The following CD226 variants were observed in gnomAD, a reference collection of about 807,000 sequenced individuals.
CD226 encodes the protein CD226 molecule.
A neutral mutation model predicts 34.9 loss-of-function variants in CD226; 24 were observed. The ratio of observed to expected loss-of-function variants is 0.69; its 90% CI spans 0.50 to 0.97. The LOEUF is 0.97. Among genes scored for constraint, CD226 ranks in the 50% least tolerant of loss-of-function variants. The pLI, the probability that CD226 is intolerant of heterozygous loss-of-function variation, is 0.00. For synonymous variants in CD226, 148 were observed against 147.4 expected, an observed-to-expected ratio of 1.00 and a Z score of -0.03; for missense variants, 397 against 412.7, an observed-to-expected ratio of 0.96 and a Z score of 0.33.
At chr18:69,870,115 T>C (rs17207042) in intron 4 of CD226, among the ~76,000 whole-genome samples, 62,087 of 151,588 alleles carry the variant, frequency 0.41, 15,364 homozygotes, top group East Asian at 0.64. Context: ...AGATTTTCAA[T>C]GCCAAAACCC....
intron 2 of CD226, among the ~76,000 whole-genome samples, chr18:69,900,088 T>C (rs1985514280): frequency 6.6e-6 from 1 of 152,220 alleles, no homozygotes; most frequent in African/African-American, 2.4e-5. Context: ...CATCATGGAA[T>C]ACTATGCAGC....
At chr18:69,869,040 T>G (rs968815421) in intron 4 of CD226, among the ~76,000 whole-genome samples, 1 of 152,220 alleles carries the variant, frequency 6.6e-6, no homozygotes, top group Admixed American at 6.5e-5. Context: ...AAAAGAACAC[T>G]TTTACGCTGT....
intron 2 of CD226, among the ~76,000 whole-genome samples, chr18:69,919,133 C>T (rs2055420628): frequency 1.3e-5 from 2 of 152,184 alleles, no homozygotes; most frequent in South Asian, 4.1e-4. Context: ...ACACTTTAAA[C>T]AGAAAATGTT....
intron 5 of CD226, 27 bp from the exon 6 acceptor site, chr18:69,864,466 C>A: frequency 6.2e-7 from 1 of 1,605,548 alleles, no homozygotes; most frequent in South Asian, 1.1e-5. Context: ...CAGAGAGTGT[C>A]AATAATTCAC....
intron 2 of CD226, among the ~76,000 whole-genome samples, chr18:69,896,590 A>G (rs1056213491): frequency 1.3e-4 from 20 of 148,838 alleles, no homozygotes; most frequent in African/African-American, 4.1e-4. Context: ...ACATAGTTCC[A>G]TAAGTGTTAC....
rs547946137 is a variant in CD226, at chr18:69,932,261, C to T, written c.382+14473G>A. Among the ~76,000 whole-genome samples, 12 of 152,266 alleles carry T rather than the reference C, an allele frequency of 7.9e-5. No individual in the cohort carries two copies. The South Asian group carries it at 2.5e-3, about 32-fold the overall frequency. On this transcript the variant is annotated intron_variant, in intron 2 of 5. Transcript: ENST00000582621. ...GTGCTCTTTCTAACTGCAGACTAAT[C>T]GAAATCCCTTGCCTAAAATCTAAAG...
intron 2 of CD226, among the ~76,000 whole-genome samples, chr18:69,906,241 C>T (rs2055251288): frequency 6.6e-6 from 1 of 152,046 alleles, no homozygotes; most frequent in African/African-American, 2.4e-5. Flanking sequence ...CTATATACGC[C>T]TAGATGTGAA....
In CD226 at chr18:69,920,480, A is replaced by G. The variant is rs529325959; in HGVS notation, c.383-24435T>C. 1.1e-4 allele frequency among the ~76,000 whole-genome samples: 16 copies of G among 152,344 alleles called. No homozygotes were observed. In the South Asian group the frequency reaches 3.1e-3, roughly 30 times the overall value. On this transcript the variant is annotated intron_variant, in intron 2 of 5. Coordinates refer to ENST00000582621, the MANE Select transcript of CD226 (RefSeq NM_001303618.2). ...ATTCATTTCTTCATTTTTATATAAG[A>G]AAACTTGACACTTCTCCTTTTTACT...
chr18:69,911,545 G>A (rs1271033985), intron 2 of CD226, among the ~76,000 whole-genome samples: 1 of 151,948 alleles, frequency 6.6e-6, no homozygotes, highest in Non-Finnish European at 1.5e-5. Context: ...ATGCGGCCAG[G>A]CACTCCACTT....
chr18:69,958,446 A>C (rs1167854475), upstream of CD226, among the ~76,000 whole-genome samples: 1 of 152,138 alleles, frequency 6.6e-6, no homozygotes, highest in African/African-American at 2.4e-5. Flanking sequence ...TCAAGGAAAA[A>C]GACAAAAACA....
intron 2 of CD226, among the ~76,000 whole-genome samples, chr18:69,943,649 C>T (rs1375488492): frequency 6.6e-6 from 1 of 152,156 alleles, no homozygotes; most frequent in Non-Finnish European, 1.5e-5. Context: ...GGTGGGTTCC[C>T]ATGTCCCCCA....
At position 69,854,136 on chromosome 18, in the gene CD226, C is replaced by CT. The variant is rs1982549754; in HGVS notation, c.*10177dup. 1 of 152,166 alleles carries CT rather than the reference C, an allele frequency of 6.6e-6. No individual in the cohort carries two copies. Among genetic ancestry groups the CT allele is most frequent in the Non-Finnish European group, 1.5e-5 (1 of 68,036 alleles). The allele number at this position is 152,166 out of a possible 1,614,324, so 9.4% of individuals were successfully genotyped here. On this transcript the variant is annotated 3_prime_UTR_variant, in exon 6 of 6. Coordinates refer to ENST00000582621, the MANE Select transcript of CD226 (RefSeq NM_001303618.2). The stretch of plus-strand genomic sequence containing the variant: ...AGGCATGGAAGATGTTGCTGCCATG[C>CT]TTATAACAAGACAAAGCTGGAAAGT...
At position 69,876,047 on chromosome 18, in the gene CD226, T is replaced by C. The variant is rs192975312; in HGVS notation, c.728-2801A>G. ...CACCATGTTTATATACATCAAATAA[T>C]CACACTGTATGCCCTGAATATATTC... On this transcript the variant is annotated intron_variant, in intron 3 of 5. Coordinates refer to ENST00000582621, the MANE Select transcript of CD226 (RefSeq NM_001303618.2). Among the ~76,000 whole-genome samples the C allele has an allele frequency of 4.0e-3, 606 of 152,308 alleles. 4 individuals carry two copies. Among genetic ancestry groups the C allele is most frequent in the African/African-American group, 0.013 (559 of 41,568 alleles).
chr18:69,855,577 G>A lies in CD226; in HGVS notation c.*8737C>T, dbSNP rs1982587741. ...AACGTCTGGGAACTTGCCAAAATTA[G>A]TGATAGACACCAACTCAGGTAGCTC... On this transcript the variant is annotated 3_prime_UTR_variant, in exon 6 of 6. Coordinates refer to ENST00000582621, the MANE Select transcript of CD226 (RefSeq NM_001303618.2). 1 of 152,086 alleles carries A rather than the reference G, an allele frequency of 6.6e-6. No individual in the cohort carries two copies. The highest frequency in any genetic ancestry group is 2.4e-5 in the African/African-American group (1 of 41,426). The allele number at this position is 152,086 out of a possible 1,614,324, so 9.4% of individuals were successfully genotyped here.
At chr18:69,927,368 A>ACT (rs2055534327) in intron 2 of CD226, among the ~76,000 whole-genome samples, 1 of 136,382 alleles carries the variant, frequency 7.3e-6, no homozygotes, top group South Asian at 2.1e-4. Context: ...GACACTACAC[A>ACT]CACACACACA....
At chr18:69,914,987 T>C (rs1050640672) in intron 2 of CD226, among the ~76,000 whole-genome samples, 4 of 152,210 alleles carry the variant, frequency 2.6e-5, no homozygotes, top group African/African-American at 9.6e-5. Context: ...AGTTGTTCAT[T>C]TTGGAAACAG....
intron 2 of CD226, among the ~76,000 whole-genome samples, chr18:69,946,229 C>CAGGAAAGAA (rs1278902024): frequency 1.2e-5 from 1 of 80,206 alleles, no homozygotes; most frequent in Non-Finnish European, 2.7e-5. Context: ...GAAAGAAAGA[C>CAGGAAAGAA]AGGAAAGAAA....
intron 2 of CD226, among the ~76,000 whole-genome samples, chr18:69,945,859 G>A (rs980699669): frequency 2.0e-5 from 3 of 152,112 alleles, no homozygotes; most frequent in East Asian, 1.9e-4. Flanking sequence ...GAGAAGTCAC[G>A]TCTTACATGG....
intron 3 of CD226, among the ~76,000 whole-genome samples, chr18:69,875,823 T>C (rs1277678504): frequency 6.6e-6 from 1 of 152,210 alleles, no homozygotes; most frequent in Non-Finnish European, 1.5e-5. Context: ...GAAAGACAAA[T>C]ACTGTATAAT....
Sources: allele counts gnomAD v4.1 joint callset (sites outside exome capture counted in the v4.1 genomes callset), GRCh38; gene constraint gnomAD v4.1.1; transcripts MANE v1.5; gene names NCBI Gene and HGNC (gene_info 2026-07-23, HGNC 2026-07-21).